Variants in KCNIP1 observed in about 807,000 individuals in gnomAD.
KCNIP1 encodes potassium voltage-gated channel interacting protein 1, also known as A-type potassium channel modulatory protein KCNIP1.
Under a neutral mutation model 33.0 loss-of-function variants are expected in KCNIP1, and 18 were observed. The ratio of observed to expected loss-of-function variants is 0.55; its 90% CI spans 0.38 to 0.81. KCNIP1 has a LOEUF of 0.81. KCNIP1 is among the 30% of genes least tolerant of loss of function. The probability of loss-of-function intolerance (pLI) is 0.00; values close to 1 mark genes in which losing one functional copy is unlikely to be tolerated. For missense variants in KCNIP1, 238 were observed against 271.6 expected (o/e 0.88, Z 0.87); for synonymous variants, 93 against 98.3 (o/e 0.95, Z 0.32).
chr5:170,519,719 G>T (rs2113300510), intron 1 of KCNIP1, among the ~76,000 whole-genome samples: 1 of 152,220 alleles, frequency 6.6e-6, no homozygotes, highest in East Asian at 1.9e-4. Context: ...CCAAATCTTG[G>T]AACAAAGTCA....
At chr5:170,590,825 A>T (rs561627574) in intron 1 of KCNIP1, among the ~76,000 whole-genome samples, 8 of 152,178 alleles carry the variant, frequency 5.3e-5, no homozygotes, top group Admixed American at 1.3e-4. Flanking sequence ...GTGGATGGGC[A>T]TGTCTGCATC....
chr5:170,421,608 T>C (rs1755496059), intron 1 of KCNIP1, among the ~76,000 whole-genome samples: 1 of 152,210 alleles, frequency 6.6e-6, no homozygotes, highest in Non-Finnish European at 1.5e-5. Context: ...CTCTGCAGCC[T>C]CTTTTCTAAG....
chr5:170,701,263 TC>T (rs1360448804), intron 1 of KCNIP1, among the ~76,000 whole-genome samples: 2 of 152,116 alleles, frequency 1.3e-5, no homozygotes, highest in Non-Finnish European at 2.9e-5. Context: ...TCAAACTCTT[TC>T]TTGTATGTGA....
intron 1 of KCNIP1, among the ~76,000 whole-genome samples, chr5:170,429,752 A>C (rs1755699767): frequency 6.6e-6 from 1 of 152,348 alleles, no homozygotes; most frequent in African/African-American, 2.4e-5. Context: ...TTCACTTAAG[A>C]TAATGAATTC....
intron 1 of KCNIP1, chr5:170,377,035 A>C (rs566060042): frequency 4.2e-4 from 64 of 152,342 alleles, no homozygotes; most frequent in African/African-American, 1.5e-3. Flanking sequence ...GAAATCGGGC[A>C]GAGTAGAGAC....
chr5:170,732,883 G>A lies in KCNIP1; in HGVS notation c.519G>A (p.Gln173=), dbSNP rs150199520. ...YPVLKEDTPR[Q]HVDVFFQKMD... is the part of the protein sequence containing the mutation. ...TGCTCAAAGAGGACACTCCAAGGCA[G>A]CATGTGGACGTCTTCTTCCAGGTAA... Residue 173 remains glutamine (Q), a synonymous_variant, in exon 6 of 8, where the codon CAG becomes CAA. Coordinates refer to ENST00000328939, the MANE Select transcript of KCNIP1 (RefSeq NM_014592.4). 1,918 of 1,611,900 alleles carry A rather than the reference G, an allele frequency of 1.2e-3. No homozygotes were observed. Among genetic ancestry groups the A allele is most frequent in the Non-Finnish European group, 1.5e-3 (1,717 of 1,178,120 alleles).
chr5:170,719,866 G>T (rs1763758426), intron 2 of KCNIP1, among the ~76,000 whole-genome samples: 1 of 152,178 alleles, frequency 6.6e-6, no homozygotes. Context: ...AGTTTTCCAG[G>T]CAGGCACTGG....
chr5:170,448,031 C>T (rs1393902121), intron 1 of KCNIP1, among the ~76,000 whole-genome samples: 1 of 152,034 alleles, frequency 6.6e-6, no homozygotes, highest in Non-Finnish European at 1.5e-5. Flanking sequence ...CCCACACCAC[C>T]CTGCATGTTC....
chr5:170,490,565 C>A (rs540873618), intron 1 of KCNIP1, among the ~76,000 whole-genome samples: 3 of 152,288 alleles, frequency 2.0e-5, no homozygotes, highest in African/African-American at 7.2e-5. Flanking sequence ...TGACATTGTC[C>A]TGTGGTTCCC....
At chr5:170,590,588 C>T (rs568744541) in intron 1 of KCNIP1, among the ~76,000 whole-genome samples, 34 of 152,134 alleles carry the variant, frequency 2.2e-4, no homozygotes, top group Non-Finnish European at 3.7e-4. Context: ...TCCAGTCTCA[C>T]GCTAGGCTGC....
Position 170,614,012 on chromosome 5 carries a change from G to T in KCNIP1, c.62-104746G>T, listed in dbSNP as rs553398117. Among the ~76,000 whole-genome samples the T allele has an allele frequency of 8.8e-4, 134 of 152,278 alleles. 1 individual carries two copies. The highest frequency in any genetic ancestry group is 3.2e-3 in the African/African-American group (133 of 41,556). On this transcript the variant is annotated intron_variant, in intron 1 of 7. Transcript: ENST00000328939. Reference sequence around the variant, plus strand: ...TCTACTGGGGAGGTGATGAAGTGAAGTGTTCAATTCCTGCATAGCCACCAA... The same window carrying T: ...TCTACTGGGGAGGTGATGAAGTGAATTGTTCAATTCCTGCATAGCCACCAA...
intron 1 of KCNIP1, among the ~76,000 whole-genome samples, chr5:170,467,724 C>T (rs1039981420): frequency 6.6e-6 from 1 of 151,990 alleles, no homozygotes; most frequent in African/African-American, 2.4e-5. Flanking sequence ...TAGAGACCAG[C>T]CTGATCAACA....
At chr5:170,397,201 C>T (rs963614031) in intron 1 of KCNIP1, among the ~76,000 whole-genome samples, 1 of 152,170 alleles carries the variant, frequency 6.6e-6, no homozygotes, top group Admixed American at 6.5e-5. Flanking sequence ...TCTTTGAAAT[C>T]CCCTTGGCCA....
chr5:170,731,738 T>C (rs1270651772), intron 5 of KCNIP1, among the ~76,000 whole-genome samples: 8 of 147,592 alleles, frequency 5.4e-5, no homozygotes, highest in Non-Finnish European at 3.0e-5. Context: ...GAGAAACTCA[T>C]ACAGATTAGA....
At chr5:170,379,069 C>T (rs962704651) in intron 1 of KCNIP1, 11 of 1,449,506 alleles carry the variant, frequency 7.6e-6, no homozygotes, top group African/African-American at 2.8e-5. Flanking sequence ...GCTTTGTAGT[C>T]GGGCCCCTGG....
chr5:170,504,313 G>C lies in KCNIP1; in HGVS notation c.-260G>C. ...TCGGCCCTGGGCGAGGGAACCGCCG[G>C]GCCGGGTCCTCGCGCGGGGAAGCGG... On this transcript the variant is annotated 5_prime_UTR_variant, in exon 1 of 8. Transcript: ENST00000328939. This position sits in a 1 kb window ranked among gnomAD's most constrained non-coding sequence, Gnocchi z 6.0. 1 of 1,360,712 alleles carries C rather than the reference G, an allele frequency of 7.3e-7. No homozygotes were observed. The highest frequency in any genetic ancestry group is 9.4e-7 in the Non-Finnish European group (1 of 1,060,862). The allele number at this position is 1,360,712 out of a possible 1,614,324, so 84.3% of individuals were successfully genotyped here. A position where few individuals can be genotyped will look rare whatever the true frequency, so the allele number is the denominator to read the frequency against.
intron 1 of KCNIP1, among the ~76,000 whole-genome samples, chr5:170,384,406 T>A (rs1764381569): frequency 2.0e-5 from 3 of 152,156 alleles, no homozygotes; most frequent in African/African-American, 7.2e-5. Flanking sequence ...GGGGTTTGAG[T>A]TGAGCCAGGA....
chr5:170,459,711 T>C (rs1756463416), intron 1 of KCNIP1, among the ~76,000 whole-genome samples: 1 of 152,164 alleles, frequency 6.6e-6, no homozygotes, highest in African/African-American at 2.4e-5. Context: ...GGAAAGTTCA[T>C]AGCCCTAAAG....
At chr5:170,392,101 A>T (rs1581145095) in intron 1 of KCNIP1, among the ~76,000 whole-genome samples, 1 of 152,166 alleles carries the variant, frequency 6.6e-6, no homozygotes, top group Non-Finnish European at 1.5e-5. Context: ...CGGGACATGT[A>T]CCTGGGAACC....
Sources: allele counts gnomAD v4.1 joint callset (sites outside exome capture counted in the v4.1 genomes callset), GRCh38; gene constraint gnomAD v4.1.1; non-coding constraint Gnocchi (gnomAD v3.1); transcripts MANE v1.5; gene names NCBI Gene and HGNC (gene_info 2026-07-23, HGNC 2026-07-21).